RFC5: variants seen among roughly 807,000 people sequenced by gnomAD.
RFC5 encodes A1 36 kDa subunit.
Under a neutral mutation model 44.3 loss-of-function variants are expected in RFC5, and 26 were observed. That is an observed-to-expected ratio of 0.59 (90% CI 0.43 to 0.81). The LOEUF is 0.81. RFC5 is among the 40% of genes least tolerant of loss of function. The pLI, the probability that RFC5 is intolerant of heterozygous loss-of-function variation, is 0.00. For missense variants in RFC5, 328 were observed against 418.6 expected (o/e 0.78, Z 1.89); for synonymous variants, 155 against 155.2 (o/e 1.00, Z 0.01).
chr12:118,023,144 G>T (rs2030632579), intron 5 of RFC5, among the ~76,000 whole-genome samples: 1 of 151,878 alleles, frequency 6.6e-6, no homozygotes, highest in South Asian at 2.1e-4. Context: ...GCTAGGAAAA[G>T]CATATCTGAA....
chr12:118,036,109 G>A, downstream of RFC5: 1 of 386,122 alleles, frequency 2.6e-6, no homozygotes, highest in Non-Finnish European at 4.7e-6. Flanking sequence ...GGCTCAGGCA[G>A]CAGAATCGCT....
At chr12:118,030,000 A>G (rs2031212292) in intron 10 of RFC5, among the ~76,000 whole-genome samples, 175 bp downstream of exon 10, 1 of 152,116 alleles carries the variant, frequency 6.6e-6, no homozygotes, top group African/African-American at 2.4e-5. Context: ...CTTAAAGAAC[A>G]TGGGGATAAA....
At chr12:118,025,295 G>A in intron 6 of RFC5, 1 of 376,250 alleles carries the variant, frequency 2.7e-6, no homozygotes, top group Non-Finnish European at 4.8e-6. Flanking sequence ...ACTGCAGGCT[G>A]CTGAGTCCCT....
At chr12:118,020,091 A>G (rs2030382672) in intron 3 of RFC5, among the ~76,000 whole-genome samples, 2 of 152,106 alleles carry the variant, frequency 1.3e-5, no homozygotes, top group South Asian at 4.1e-4. Context: ...TCTCCACCAT[A>G]TTCCTGCCTG....
At chr12:118,026,152 C>A (rs934501784) in intron 7 of RFC5, among the ~76,000 whole-genome samples, 4 of 152,054 alleles carry the variant, frequency 2.6e-5, no homozygotes, top group Admixed American at 1.3e-4. Flanking sequence ...CTGGTCCCAG[C>A]AAATCCTGAG....
rs758495410 is a variant in RFC5, at chr12:118,017,856, C to A, written c.65+964C>A. ...CATCCTGTAACCATTTTAAAATGTA[C>A]AATTCAGTGGCATTAAGTACATTCA... On this transcript the variant is annotated intron_variant, in intron 1 of 10. Transcript: ENST00000454402. The A allele has an allele frequency of 4.5e-6, 3 of 669,434 alleles. No individual in the cohort carries two copies. In the South Asian group the frequency reaches 4.8e-5, roughly 11 times the overall value. 41.5% of individuals were successfully genotyped at this position (669,434 alleles called of 1,614,324 possible). A position where few individuals can be genotyped will look rare whatever the true frequency, so the allele number is the denominator to read the frequency against.
At position 118,019,945 on chromosome 12, in the gene RFC5, C is replaced by T. The variant is rs972550486; in HGVS notation, c.267+177C>T. 8.5e-5 allele frequency among the ~76,000 whole-genome samples: 13 copies of T among 152,126 alleles called. No homozygotes were observed. Among genetic ancestry groups the T allele is most frequent in the African/African-American group, 2.7e-4 (11 of 41,406 alleles). On this transcript the variant is annotated intron_variant, in intron 3 of 10. Coordinates refer to ENST00000454402, the MANE Select transcript of RFC5 (RefSeq NM_007370.7). This position sits in a 1 kb window ranked among gnomAD's most constrained non-coding sequence, Gnocchi z 4.2. ...TAATGGTCATTTTGGTCTGGATTAG[C>T]GTTGGTCAGCTAGAGGGCAGTTGTA...
downstream of RFC5, chr12:118,033,155 A>ATC (rs1370554446): frequency 6.6e-6 from 1 of 152,208 alleles, no homozygotes; most frequent in African/African-American, 2.4e-5. Flanking sequence ...AGGTGTCTTG[A>ATC]TTAGATAACT....
At chr12:118,025,054 A>G (rs547008659) in intron 6 of RFC5, 44 bp downstream of exon 6, 4 of 1,576,904 alleles carry the variant, frequency 2.5e-6, no homozygotes, top group Admixed American at 3.5e-5. Flanking sequence ...TAGTAGAAAC[A>G]GGCTTGTGGG....
intron 1 of RFC5, chr12:118,018,145 T>A: frequency 1.6e-6 from 1 of 618,018 alleles, no homozygotes; most frequent in Admixed American, 2.3e-5. Context: ...GCTGCTTGTA[T>A]CAGTAGTTAA....
chr12:118,022,218 A>G, intron 4 of RFC5, 68 bp from the exon 5 acceptor site: 2 of 1,258,044 alleles, frequency 1.6e-6, no homozygotes, highest in Non-Finnish European at 2.3e-6. Context: ...ATGGGAAGAT[A>G]TAGGTTTGAG....
At chr12:118,025,626 C>T in intron 6 of RFC5, 121 bp from the exon 7 acceptor site, 1 of 656,600 alleles carries the variant, frequency 1.5e-6, no homozygotes, top group Admixed American at 2.5e-5. Flanking sequence ...AGATTATTAA[C>T]TCTGTTCCTC....
chr12:118,031,764 C>G lies in RFC5; in HGVS notation c.*486C>G, dbSNP rs1331550877. The G allele has an allele frequency of 6.6e-6, 1 of 152,200 alleles. No homozygotes were observed. Among genetic ancestry groups the G allele is most frequent in the African/African-American group, 2.4e-5 (1 of 41,450 alleles). The allele number at this position is 152,200 out of a possible 1,614,324, so 9.4% of individuals were successfully genotyped here. A position where few individuals can be genotyped will look rare whatever the true frequency, so the allele number is the denominator to read the frequency against. ...TGGACGTCTGGCCGAAACTATTATA[C>G]TTTTATAAGATGAGCTGAATCCTCT... is the stretch of plus-strand genomic sequence containing the variant. On this transcript the variant is annotated 3_prime_UTR_variant, in exon 11 of 11. Coordinates refer to ENST00000454402, the MANE Select transcript of RFC5 (RefSeq NM_007370.7).
At chr12:118,038,465 G>C in the RFC5 span, 1 of 1,388,698 alleles carries the variant, frequency 7.2e-7, no homozygotes, top group Admixed American at 1.9e-5. Flanking sequence ...AACTGGGGTG[G>C]TAACAGCCCC....
downstream of RFC5, chr12:118,035,166 T>C: frequency 6.2e-7 from 1 of 1,612,896 alleles, no homozygotes; most frequent in South Asian, 1.1e-5. Flanking sequence ...CTGCCATTAC[T>C]TGCAAGCACT....
chr12:118,019,151 G>T lies in RFC5; in HGVS notation c.130+15G>T. On this transcript the variant is annotated intron_variant, in intron 2 of 10. Transcript: ENST00000454402. The surrounding 1 kb of genome is among the most constrained non-coding windows in gnomAD (Gnocchi z 4.2). ...TCTGAGTACCAGTAAGTATTCATGTGTCAGTTGCTCTTGTCCTGCTTGAGC... is the reference window on the plus strand; with the variant it reads ...TCTGAGTACCAGTAAGTATTCATGTTTCAGTTGCTCTTGTCCTGCTTGAGC... The T allele has an allele frequency of 6.3e-7, 1 of 1,595,602 alleles. No homozygotes were observed. Among genetic ancestry groups the T allele is most frequent in the Non-Finnish European group, 8.6e-7 (1 of 1,163,470 alleles).
chr12:118,032,582 C>G (rs1340131521), downstream of RFC5: 1 of 152,308 alleles, frequency 6.6e-6, no homozygotes. Flanking sequence ...GTTCTCCCAC[C>G]TCAGCCTCCT....
chr12:118,018,971 T>G (rs2030297187), intron 1 of RFC5, 101 bp from the exon 2 acceptor site: 1 of 878,170 alleles, frequency 1.1e-6, no homozygotes. Flanking sequence ...AGTGCTGGGA[T>G]TACAGGCATG....
chr12:118,025,642 C>T, intron 6 of RFC5, 105 bp from the exon 7 acceptor site: 1 of 713,620 alleles, frequency 1.4e-6, no homozygotes, highest in South Asian at 1.6e-5. Flanking sequence ...TCCTCTCCTT[C>T]CTTCATCCCT....
Sources: allele counts gnomAD v4.1 joint callset (sites outside exome capture counted in the v4.1 genomes callset), GRCh38; gene constraint gnomAD v4.1.1; non-coding constraint Gnocchi (gnomAD v3.1); transcripts MANE v1.5; gene names NCBI Gene and HGNC (gene_info 2026-07-23, HGNC 2026-07-21).